Variants in SPAG16 observed in about 807,000 individuals in gnomAD.
SPAG16 encodes the protein sperm-associated antigen 16 protein.
A neutral mutation model predicts 80.4 loss-of-function variants in SPAG16; 86 were observed. The observed-to-expected ratio is 1.07, with a 90% confidence interval of 0.90 to 1.28. SPAG16 has a LOEUF of 1.28. SPAG16 is among the 50% of genes most tolerant of loss of function. The probability of loss-of-function intolerance (pLI) is 0.00; values close to 1 mark genes in which losing one functional copy is unlikely to be tolerated. For missense variants in SPAG16, 870 were observed against 765.3 expected (o/e 1.14, Z -1.61); for synonymous variants, 294 against 265.9 (o/e 1.11, Z -1.03).
At chr2:213,676,646 G>A (rs929084797) in intron 10 of SPAG16, among the ~76,000 whole-genome samples, 2 of 152,012 alleles carry the variant, frequency 1.3e-5, no homozygotes, top group African/African-American at 4.8e-5. Context: ...ATAATCATGT[G>A]GTTTTTGTCT....
chr2:214,135,823 C>T (rs1165594628), intron 14 of SPAG16, among the ~76,000 whole-genome samples: 1 of 152,018 alleles, frequency 6.6e-6, no homozygotes, highest in African/African-American at 2.4e-5. Context: ...TGAAAAGAAG[C>T]AGCCTGAAGC....
chr2:213,825,676 T>C (rs1337551655), intron 10 of SPAG16, among the ~76,000 whole-genome samples: 2 of 150,380 alleles, frequency 1.3e-5, no homozygotes, highest in Non-Finnish European at 3.0e-5. Flanking sequence ...AATATTAGCC[T>C]GTAGTTTTCT....
intron 10 of SPAG16, among the ~76,000 whole-genome samples, chr2:213,507,805 G>A (rs530216814): frequency 1.3e-5 from 2 of 152,308 alleles, no homozygotes; most frequent in African/African-American, 4.8e-5. Flanking sequence ...CTTCTTAGGT[G>A]CTCACCTGTG....
At chr2:213,883,284 A>G (rs903684083) in intron 11 of SPAG16, among the ~76,000 whole-genome samples, 1 of 152,152 alleles carries the variant, frequency 6.6e-6, no homozygotes, top group Non-Finnish European at 1.5e-5. Context: ...TTGAGGACCA[A>G]GTTGTTAAAT....
At chr2:214,338,746 A>G (rs1697468541) in intron 15 of SPAG16, among the ~76,000 whole-genome samples, 1 of 152,188 alleles carries the variant, frequency 6.6e-6, no homozygotes, top group Non-Finnish European at 1.5e-5. Flanking sequence ...GAAATACTGT[A>G]ACATATTTCA....
intron 12 of SPAG16, among the ~76,000 whole-genome samples, chr2:214,001,724 TG>T (rs2046796799): frequency 6.6e-6 from 1 of 152,208 alleles, no homozygotes; most frequent in Non-Finnish European, 1.5e-5. Flanking sequence ...ACCTAAACTC[TG>T]TAAAAAATCT....
rs1374433046 is a variant in SPAG16 at position 214,005,358 on chromosome 2, G to T, written c.1401-8593G>T. The stretch of plus-strand genomic sequence containing the variant: ...TGCTTTTAGACCCAAGATCCTGCCC[G>T]TGTTCCAGGTACTTGAGGTTGTTAG... On this transcript the variant is annotated intron_variant, in intron 12 of 15. Transcript: ENST00000331683. Among the ~76,000 whole-genome samples the T allele has an allele frequency of 2.0e-5, 3 of 152,294 alleles. No homozygotes were observed. In the East Asian group the frequency reaches 5.8e-4, roughly 29 times the overall value.
intron 15 of SPAG16, among the ~76,000 whole-genome samples, chr2:214,252,471 G>A (rs142700612): frequency 0.016 from 2,398 of 147,290 alleles, 43 homozygotes; most frequent in African/African-American, 0.037. Flanking sequence ...ACAGACCACA[G>A]TATGTGATGT....
chr2:213,830,346 A>G (rs1406147965), intron 10 of SPAG16, among the ~76,000 whole-genome samples: 1 of 152,146 alleles, frequency 6.6e-6, no homozygotes, highest in African/African-American at 2.4e-5. Flanking sequence ...TGGGTCACTC[A>G]TTCACTACTG....
At chr2:213,844,010 T>C (rs1037655626) in intron 10 of SPAG16, among the ~76,000 whole-genome samples, 1 of 152,146 alleles carries the variant, frequency 6.6e-6, no homozygotes, top group Non-Finnish European at 1.5e-5. Context: ...ATAGTTCAGA[T>C]TGGCAAGTAT....
intron 15 of SPAG16, among the ~76,000 whole-genome samples, chr2:214,211,260 G>T (rs553343235): frequency 2.3e-4 from 35 of 152,262 alleles, no homozygotes; most frequent in African/African-American, 8.2e-4. Context: ...AAATATCTGA[G>T]ACCTACTCTA....
At chr2:213,401,443 G>A (rs1480594917) in intron 9 of SPAG16, among the ~76,000 whole-genome samples, 1 of 152,012 alleles carries the variant, frequency 6.6e-6, no homozygotes, top group East Asian at 1.9e-4. Flanking sequence ...ATATCTTATT[G>A]TTTCTTTGGT....
chr2:214,035,053 G>A (rs1251992038), intron 13 of SPAG16, among the ~76,000 whole-genome samples: 1 of 152,112 alleles, frequency 6.6e-6, no homozygotes, highest in African/African-American at 2.4e-5. Context: ...GAGGAGACAC[G>A]CAGTGGATAG....
intron 10 of SPAG16, among the ~76,000 whole-genome samples, chr2:213,659,656 TA>T (rs2063346575): frequency 6.6e-6 from 1 of 152,200 alleles, no homozygotes; most frequent in Non-Finnish European, 1.5e-5. Context: ...CTGGACTTTT[TA>T]AACACATTTA....
chr2:214,379,529 A>G (rs138509165), intron 15 of SPAG16, among the ~76,000 whole-genome samples: 1 of 152,226 alleles, frequency 6.6e-6, no homozygotes, highest in Admixed American at 6.5e-5. Flanking sequence ...TCTCCATGTG[A>G]CTTAAGGCTT....
chr2:214,341,620 T>G (rs1300301442), intron 15 of SPAG16, among the ~76,000 whole-genome samples: 3 of 152,260 alleles, frequency 2.0e-5, no homozygotes, highest in Admixed American at 1.3e-4. Context: ...TGAAAAAAAA[T>G]GAATCAATGT....
Position 213,376,196 on chromosome 2 carries a change from T to G in SPAG16, c.942+1077T>G, listed in dbSNP as rs148636987. Among the ~76,000 whole-genome samples, 113 of 152,020 alleles carry G rather than the reference T, an allele frequency of 7.4e-4. 1 individual carries two copies. The highest frequency in any genetic ancestry group is 2.4e-3 in the African/African-American group (99 of 41,544). ...TCAGATTTAAGGATTTTTGGAATGATGGAGGTGATTGTCATCAGAAACATT... is the reference window on the plus strand; with the variant it reads ...TCAGATTTAAGGATTTTTGGAATGAGGGAGGTGATTGTCATCAGAAACATT... On this transcript the variant is annotated intron_variant, in intron 9 of 15. Transcript: ENST00000331683.
In SPAG16 at chr2:213,723,478, C is replaced by G. The variant is rs868609816; in HGVS notation, c.1071-139007C>G. Among the ~76,000 whole-genome samples, 27 of 152,254 alleles carry G rather than the reference C, an allele frequency of 1.8e-4. 1 individual carries two copies. Among genetic ancestry groups the G allele is most frequent in the Middle Eastern group, 6.8e-3 (2 of 294 alleles). The stretch of plus-strand genomic sequence containing the variant: ...ATGGGTGTTATTTTGCACTGAATTA[C>G]CACAAAGGATCAAATTGTTGAATTG... On this transcript the variant is annotated intron_variant, in intron 10 of 15. Transcript: ENST00000331683.
chr2:213,705,299 G>A (rs926393174), intron 10 of SPAG16, among the ~76,000 whole-genome samples: 12 of 151,862 alleles, frequency 7.9e-5, no homozygotes, highest in Admixed American at 7.2e-4. Flanking sequence ...AGGGAGGGAG[G>A]AAGGAAGGAA....
Sources: allele counts gnomAD v4.1 joint callset (sites outside exome capture counted in the v4.1 genomes callset), GRCh38; gene constraint gnomAD v4.1.1; transcripts MANE v1.5; gene names NCBI Gene and HGNC (gene_info 2026-07-23, HGNC 2026-07-21).